NIPSNAP3A: variants seen among roughly 807,000 people sequenced by gnomAD.
The protein encoded by NIPSNAP3A is protein NipSnap homolog 3A.
NIPSNAP3A carries 27 observed loss-of-function variants against 32.3 expected under a neutral mutation model. The observed-to-expected ratio is 0.84, with a 90% confidence interval of 0.62 to 1.15. The LOEUF is 1.15. NIPSNAP3A is among the 50% of genes most tolerant of loss of function. The probability of loss-of-function intolerance (pLI) is 0.00; values close to 1 mark genes in which losing one functional copy is unlikely to be tolerated. For synonymous variants in NIPSNAP3A, 108 were observed against 107.3 expected (o/e 1.01, Z -0.04); for missense variants, 278 against 297.2 (o/e 0.94, Z 0.48).
At chr9:104,753,345 T>C (rs1276996000) in intron 3 of NIPSNAP3A, among the ~76,000 whole-genome samples, 1 of 152,186 alleles carries the variant, frequency 6.6e-6, no homozygotes, top group Admixed American at 6.5e-5. Context: ...GGTTGAGAAT[T>C]TGTGCATTGG....
At chr9:104,753,854 G>T (rs1489781941) in intron 3 of NIPSNAP3A, 1 of 152,284 alleles carries the variant, frequency 6.6e-6, no homozygotes, top group Non-Finnish European at 1.5e-5. Context: ...CTCTGACAGT[G>T]TCAAATCTTG....
At chr9:104,752,448 C>G (rs1675378950) in intron 2 of NIPSNAP3A, among the ~76,000 whole-genome samples, 1 of 149,774 alleles carries the variant, frequency 6.7e-6, no homozygotes, top group African/African-American at 2.4e-5. Flanking sequence ...CAGTCTTTCT[C>G]TAAACTAGCA....
rs765949351 is a variant in NIPSNAP3A, at chr9:104,759,159, G to A, written c.655G>A (p.Val219Ile). 6.2e-7 allele frequency: 1 copy of A among 1,613,514 alleles called. No individual in the cohort carries two copies. The highest frequency in any genetic ancestry group is 8.5e-7 in the Non-Finnish European group (1 of 1,179,740). The change falls in exon 5 of 6, where the codon GTT becomes ATT. Residue 219 changes from valine (V) to isoleucine (I), a missense_variant. Transcript: ENST00000374767. The part of the protein sequence containing the change: ...GRHKSHEDPR[V>I]VAAVRESVNY... ...ACATAAGTCCCATGAGGATCCCAGAGTTGTGGCAGCTGGTAAGCTGTTTGA... is the reference window on the plus strand; with the variant it reads ...ACATAAGTCCCATGAGGATCCCAGAATTGTGGCAGCTGGTAAGCTGTTTGA...
At chr9:104,754,341 T>G (rs964000112) in intron 3 of NIPSNAP3A, 6 of 494,000 alleles carry the variant, frequency 1.2e-5, no homozygotes, top group African/African-American at 1.9e-5. Context: ...ATCTGTATGA[T>G]TAAGCATAAC....
At chr9:104,748,089 A>G (rs1234547647) in intron 1 of NIPSNAP3A, among the ~76,000 whole-genome samples, 3 of 151,984 alleles carry the variant, frequency 2.0e-5, no homozygotes, top group African/African-American at 7.2e-5. Context: ...TCTCGCGGGC[A>G]GTGGTGGTCA....
At chr9:104,753,261 T>C (rs1449540712) in intron 3 of NIPSNAP3A, among the ~76,000 whole-genome samples, 197 bp downstream of exon 3, 1 of 152,178 alleles carries the variant, frequency 6.6e-6, no homozygotes, top group Non-Finnish European at 1.5e-5. Context: ...AATAATGAGA[T>C]ATTTTTCAAA....
At chr9:104,756,409 T>C (rs1490264027) in intron 4 of NIPSNAP3A, among the ~76,000 whole-genome samples, 2 of 150,986 alleles carry the variant, frequency 1.3e-5, no homozygotes, top group Non-Finnish European at 2.9e-5. Context: ...AAAATCACCA[T>C]AAATGAAATT....
At position 104,758,971 on chromosome 9, in the gene NIPSNAP3A, C is replaced by CAA. The variant is rs34457398; in HGVS notation, c.581-90_581-89dup. Reference sequence around the variant, plus strand: ...GGTGACAAGAGTGAAACTCTTGTTTCAAAAAAAAAAAAAAAAAAAAAAAAA... The same window carrying CAA: ...GGTGACAAGAGTGAAACTCTTGTTTCAAAAAAAAAAAAAAAAAAAAAAAAAAA... On this transcript the variant is annotated intron_variant, in intron 4 of 5. Coordinates refer to ENST00000374767, the MANE Select transcript of NIPSNAP3A (RefSeq NM_015469.3). 4.3e-3 allele frequency: 1,740 copies of CAA among 400,304 alleles called. 2 individuals are homozygous for CAA. The highest frequency in any genetic ancestry group is 6.8e-3 in the South Asian group (340 of 50,338). 24.8% of individuals were successfully genotyped at this position (400,304 alleles called of 1,614,324 possible).
chr9:104,759,199 T>C (rs752523038), intron 5 of NIPSNAP3A, 28 bp downstream of exon 5: 2 of 1,613,790 alleles, frequency 1.2e-6, no homozygotes, highest in South Asian at 1.1e-5. Flanking sequence ...GCATGAATTA[T>C]TTTTAGAACA....
At position 104,747,777 on chromosome 9, in the gene NIPSNAP3A, G is replaced by A; in HGVS notation, c.-16G>A. 6.2e-7 allele frequency: 1 copy of A among 1,605,814 alleles called. No individual in the cohort carries two copies. The highest frequency in any genetic ancestry group is 1.1e-5 in the South Asian group (1 of 89,970). ...AGGACACGGCTGGCTGCTTTTCTCAGCGCCGAAGCCGCGCCATGCTCGTCC... is the reference window on the plus strand; with the variant it reads ...AGGACACGGCTGGCTGCTTTTCTCAACGCCGAAGCCGCGCCATGCTCGTCC... On this transcript the variant is annotated 5_prime_UTR_variant, in exon 1 of 6. Transcript: ENST00000374767.
Position 104,754,701 on chromosome 9 carries a change from G to A in NIPSNAP3A, c.580+1G>A, listed in dbSNP as rs770991316. 5 of 1,612,246 alleles carry A rather than the reference G, an allele frequency of 3.1e-6. No homozygotes were observed. The East Asian group carries it at 6.7e-5, about 22-fold the overall frequency. On this transcript the variant is annotated splice_donor_variant, in intron 4 of 5. Coordinates refer to ENST00000374767, the MANE Select transcript of NIPSNAP3A (RefSeq NM_015469.3). LOFTEE classifies it high-confidence loss of function. ...ACAGAGTACGGAGCACTCAACAGAG[G>A]TACAATTGTCCATTTCTTCTTATAT...
chr9:104,756,757 A>G (rs1049665544), intron 4 of NIPSNAP3A, among the ~76,000 whole-genome samples: 2 of 152,032 alleles, frequency 1.3e-5, no homozygotes, highest in East Asian at 1.9e-4. Context: ...AAAGTATATA[A>G]CATACATAGT....
intron 3 of NIPSNAP3A, chr9:104,754,094 G>T (rs1219214928): frequency 6.5e-6 from 1 of 154,986 alleles, no homozygotes; most frequent in South Asian, 2.0e-4. Context: ...TGCTGTTCCT[G>T]TTAAAAATGG....
intron 4 of NIPSNAP3A, among the ~76,000 whole-genome samples, chr9:104,758,750 A>G (rs1044540132): frequency 1.8e-4 from 28 of 151,758 alleles, no homozygotes; most frequent in Non-Finnish European, 3.5e-4. Context: ...ACCTGAGGTC[A>G]GGAGTTCGAG....
At chr9:104,750,766 T>A (rs1827838799) in intron 1 of NIPSNAP3A, among the ~76,000 whole-genome samples, 190 bp from the exon 2 acceptor site, 1 of 152,202 alleles carries the variant, frequency 6.6e-6, no homozygotes, top group Non-Finnish European at 1.5e-5. Flanking sequence ...GTGCATTTTG[T>A]CCAGTTCTTT....
intron 2 of NIPSNAP3A, 55 bp from the exon 3 acceptor site, chr9:104,752,851 T>C: frequency 1.4e-6 from 2 of 1,456,614 alleles, no homozygotes; most frequent in South Asian, 1.1e-5. Context: ...CCCAGAAAAG[T>C]ACAGGTGATT....
At chr9:104,759,025 GTTAT>G in intron 4 of NIPSNAP3A, 56 bp from the exon 5 acceptor site, 1 of 1,134,544 alleles carries the variant, frequency 8.8e-7, no homozygotes, top group South Asian at 1.3e-5. Context: ...TCATTTTTCT[GTTAT>G]TTCTTATTTG....
intron 5 of NIPSNAP3A, 27 bp downstream of exon 5, chr9:104,759,198 A>G: frequency 6.2e-7 from 1 of 1,613,910 alleles, no homozygotes; most frequent in Non-Finnish European, 8.5e-7. Context: ...GGCATGAATT[A>G]TTTTTAGAAC....
intron 4 of NIPSNAP3A, among the ~76,000 whole-genome samples, chr9:104,755,931 A>AC (rs1266214679): frequency 6.6e-6 from 1 of 152,064 alleles, no homozygotes; most frequent in Non-Finnish European, 1.5e-5. Context: ...TAAAAAAAAA[A>AC]AGTAACGAAG....
Sources: gnomAD v4.1 joint callset for allele counts (sites outside exome capture counted in the v4.1 genomes callset) on GRCh38, gnomAD v4.1.1 for gene constraint, MANE v1.5 for transcripts, NCBI Gene and HGNC (gene_info 2026-07-23, HGNC 2026-07-21) for gene names.